The following GDAP1 variants were observed in gnomAD, a reference collection of about 807,000 sequenced individuals.
GDAP1 encodes ganglioside induced differentiation associated protein 1.
In GDAP1, 34 loss-of-function variants were observed where a neutral mutation model predicts 40.1. That is an observed-to-expected ratio of 0.85 (90% CI 0.64 to 1.13). The LOEUF (loss-of-function observed/expected upper bound fraction) is 1.13. GDAP1 is among the 50% of genes most tolerant of loss of function. The pLI, the probability that GDAP1 is intolerant of heterozygous loss-of-function variation, is 0.00. For missense variants in GDAP1, 374 were observed against 433.7 expected (o/e 0.86, Z 1.22); for synonymous variants, 170 against 157.4 (o/e 1.08, Z -0.60).
At chr8:74,380,123 G>A (rs1461552995) in intron 2 of GDAP1, among the ~76,000 whole-genome samples, 1 of 152,146 alleles carries the variant, frequency 6.6e-6, no homozygotes, top group African/African-American at 2.4e-5. Flanking sequence ...GCCTTGCTTC[G>A]TGGGCTGTGT....
chr8:74,386,855 T>C (rs1037038657), intron 2 of GDAP1, among the ~76,000 whole-genome samples: 4 of 152,198 alleles, frequency 2.6e-5, no homozygotes, highest in Non-Finnish European at 4.4e-5. Context: ...CCTCTCTTAT[T>C]TCCCTGAGCA....
intron 2 of GDAP1, among the ~76,000 whole-genome samples, chr8:74,430,227 T>G (rs979171523): frequency 2.0e-5 from 3 of 152,226 alleles, no homozygotes; most frequent in Non-Finnish European, 4.4e-5. Context: ...ATTGTTGATG[T>G]GATTGCAAAA....
In GDAP1 at chr8:74,486,228, CTAT is replaced by C. The variant is rs1483542781; in HGVS notation, c.166-2445_166-2443del. On this transcript the variant is annotated intron_variant, in intron 2 of 2. Coordinates refer to the GDAP1 transcript ENST00000523640. Reference sequence around the variant, plus strand: ...CTGGGCCAAGAAACCTATAGAGTTACTATTATTCGTTTTTTATTTTTTATGGCA... The same window carrying C: ...CTGGGCCAAGAAACCTATAGAGTTACTATTCGTTTTTTATTTTTTATGGCA... Among the ~76,000 whole-genome samples the C allele has an allele frequency of 2.6e-5, 4 of 152,132 alleles. No homozygotes were observed. In the South Asian group the frequency reaches 8.3e-4, roughly 32 times the overall value.
At chr8:74,379,366 G>A (rs1809912840) in intron 2 of GDAP1, among the ~76,000 whole-genome samples, 1 of 152,182 alleles carries the variant, frequency 6.6e-6, no homozygotes, top group South Asian at 2.1e-4. Context: ...AGAGATGAGT[G>A]TTGGCATCAA....
At chr8:74,416,485 A>G (rs773037060) in intron 2 of GDAP1, among the ~76,000 whole-genome samples, 1 of 150,190 alleles carries the variant, frequency 6.7e-6, no homozygotes, top group Non-Finnish European at 1.5e-5. Flanking sequence ...TGCCTGCAGC[A>G]CCCGGGCTAA....
chr8:74,441,577 C>A (rs867982964), intron 2 of GDAP1, among the ~76,000 whole-genome samples: 24 of 152,084 alleles, frequency 1.6e-4, no homozygotes, highest in African/African-American at 5.3e-4. Flanking sequence ...CTATGTAAAA[C>A]AAAATTGGCA....
chr8:74,392,062 G>A (rs1217928441), intron 2 of GDAP1, among the ~76,000 whole-genome samples: 2 of 152,076 alleles, frequency 1.3e-5, no homozygotes, highest in Non-Finnish European at 2.9e-5. Context: ...CAGGTGATCT[G>A]CCTTCCTCGG....
At chr8:74,398,533 C>G (rs1810253325) in intron 2 of GDAP1, among the ~76,000 whole-genome samples, 2 of 152,200 alleles carry the variant, frequency 1.3e-5, no homozygotes, top group African/African-American at 2.4e-5. Context: ...AATTGAATAC[C>G]CTTTATTTCC....
intron 2 of GDAP1, among the ~76,000 whole-genome samples, chr8:74,447,262 C>T (rs1296984782): frequency 1.3e-5 from 2 of 151,974 alleles, no homozygotes; most frequent in Non-Finnish European, 1.5e-5. Flanking sequence ...TAATTTTTTT[C>T]CAGATGCCGC....
intron 2 of GDAP1, among the ~76,000 whole-genome samples, chr8:74,387,476 A>G (rs1331371938): frequency 6.6e-6 from 1 of 152,140 alleles, no homozygotes; most frequent in South Asian, 2.1e-4. Context: ...TATGTGATGG[A>G]TCATGTTTAT....
Position 74,356,716 on chromosome 8 carries a change from A to ATATTTTT in GDAP1, c.311-3420_311-3419insATTTTTT, listed in dbSNP as rs375377157. On this transcript the variant is annotated intron_variant, in intron 2 of 5. Transcript: ENST00000220822. ...TTTGTGTGTGTGTATATATATATAT[A>ATATTTTT]TTTTTTTTTTTTTTTTTGAGACGGA... 1.6e-4 allele frequency among the ~76,000 whole-genome samples: 17 copies of ATATTTTT among 104,358 alleles called. 1 individual carries two copies. The highest frequency in any genetic ancestry group is 1.8e-4 in the Non-Finnish European group (10 of 56,124). The allele number at this position is 104,358 out of a possible 152,430, so 68.5% of individuals were successfully genotyped here.
At chr8:74,426,969 G>A (rs1380187479) in intron 2 of GDAP1, among the ~76,000 whole-genome samples, 1 of 152,100 alleles carries the variant, frequency 6.6e-6, no homozygotes, top group Non-Finnish European at 1.5e-5. Flanking sequence ...TATAACCATG[G>A]CCTCTTATAA....
At chr8:74,399,459 G>A (rs1432714659) in intron 2 of GDAP1, among the ~76,000 whole-genome samples, 1 of 148,812 alleles carries the variant, frequency 6.7e-6, no homozygotes, top group Non-Finnish European at 1.5e-5. Flanking sequence ...TATTAGTCTT[G>A]TTAGCGGTCT....
intron 2 of GDAP1, among the ~76,000 whole-genome samples, chr8:74,359,695 G>A (rs1247528163): frequency 2.0e-5 from 3 of 152,308 alleles, no homozygotes; most frequent in Non-Finnish European, 2.9e-5. Flanking sequence ...ACTCTGGATT[G>A]CAGGTTCCTT....
chr8:74,415,407 G>A (rs2131555908), intron 2 of GDAP1, among the ~76,000 whole-genome samples: 1 of 150,228 alleles, frequency 6.7e-6, no homozygotes, highest in Non-Finnish European at 1.5e-5. Flanking sequence ...AATATTAATA[G>A]TGTGTAGAGA....
intron 2 of GDAP1, among the ~76,000 whole-genome samples, chr8:74,392,093 A>G (rs1810119173): frequency 6.6e-6 from 1 of 152,202 alleles, no homozygotes; most frequent in Non-Finnish European, 1.5e-5. Flanking sequence ...TGCTGGGATT[A>G]CAGGTGTGAG....
intron 2 of GDAP1, among the ~76,000 whole-genome samples, chr8:74,400,435 T>C (rs368826133): frequency 1.3e-5 from 2 of 149,536 alleles, no homozygotes; most frequent in East Asian, 1.9e-4. Context: ...TTATTTTGAG[T>C]CTATGTGTGT....
chr8:74,471,633 G>A (rs4735680), intron 2 of GDAP1, among the ~76,000 whole-genome samples: 147,721 of 152,236 alleles, frequency 0.97, 71,694 homozygotes, highest in East Asian at 1. Flanking sequence ...ACCAAAATCA[G>A]GATGACATTT....
At chr8:74,476,214 GATTGGGTATTTCTTCTTT>G (rs1315008226) in intron 2 of GDAP1, among the ~76,000 whole-genome samples, 2 of 152,064 alleles carry the variant, frequency 1.3e-5, no homozygotes, top group Non-Finnish European at 2.9e-5. Flanking sequence ...GACAACATAC[GATTGGGTATTTCTTCTTT>G]ATCCAGCTTG....
Sources: allele counts gnomAD v4.1 joint callset (sites outside exome capture counted in the v4.1 genomes callset), GRCh38; gene constraint gnomAD v4.1.1; transcripts MANE v1.5; gene names NCBI Gene and HGNC (gene_info 2026-07-23, HGNC 2026-07-21).